CDH2: variants seen among roughly 807,000 people sequenced by gnomAD.
CDH2 encodes the protein cadherin-2.
Under a neutral mutation model 92.0 loss-of-function variants are expected in CDH2, and 17 were observed. That is an observed-to-expected ratio of 0.18 (90% CI 0.13 to 0.28). The LOEUF (loss-of-function observed/expected upper bound fraction) is 0.28. Among genes scored for constraint, CDH2 ranks in the 10% least tolerant of loss-of-function variants. CDH2 has a pLI of 1.00. For synonymous variants in CDH2, 419 were observed against 415.9 expected, an observed-to-expected ratio of 1.01 and a Z score of -0.09; for missense variants, 862 against 1,133.1, an observed-to-expected ratio of 0.76 and a Z score of 3.44.
At chr18:28,016,862 T>G (rs1050370897) in intron 2 of CDH2, among the ~76,000 whole-genome samples, 1 of 152,138 alleles carries the variant, frequency 6.6e-6, no homozygotes, top group Non-Finnish European at 1.5e-5. Flanking sequence ...TCTTTTTCTG[T>G]GTCTATTGAG....
At chr18:28,106,519 C>A (rs1287807378) in intron 2 of CDH2, among the ~76,000 whole-genome samples, 1 of 148,492 alleles carries the variant, frequency 6.7e-6, no homozygotes, top group Non-Finnish European at 1.5e-5. Flanking sequence ...TCTTTATCAT[C>A]AAAGAAGACA....
chr18:27,984,079 C>T (rs2012147888), intron 13 of CDH2, among the ~76,000 whole-genome samples: 1 of 152,130 alleles, frequency 6.6e-6, no homozygotes. Context: ...GTATAGCATG[C>T]AGGTTTCAAA....
intron 2 of CDH2, among the ~76,000 whole-genome samples, chr18:28,017,757 A>T (rs548215442): frequency 2.8e-4 from 43 of 152,206 alleles, no homozygotes; most frequent in Admixed American, 5.2e-4. Context: ...CATAGAAGGG[A>T]CATACCTTAA....
At chr18:28,092,279 GA>G (rs1036440903) in intron 2 of CDH2, among the ~76,000 whole-genome samples, 5 of 152,074 alleles carry the variant, frequency 3.3e-5, no homozygotes, top group African/African-American at 1.2e-4. Context: ...AGAAGGCAGA[GA>G]AATTACTGAC....
intron 2 of CDH2, among the ~76,000 whole-genome samples, chr18:28,054,256 T>C (rs571100519): frequency 2.7e-4 from 41 of 152,180 alleles, no homozygotes; most frequent in Non-Finnish European, 4.9e-4. Context: ...AAGCTGTGCC[T>C]TTTTTATTTT....
chr18:27,936,111 T>C (rs375093896), intron 6 of CDH2, among the ~76,000 whole-genome samples: 4 of 152,332 alleles, frequency 2.6e-5, no homozygotes, highest in Non-Finnish European at 1.5e-5. Context: ...GTTGAAGGGA[T>C]AGACTCAATG....
intron 6 of CDH2, among the ~76,000 whole-genome samples, chr18:28,005,117 A>G (rs543389218): frequency 6.6e-6 from 1 of 152,050 alleles, no homozygotes; most frequent in Non-Finnish European, 1.5e-5. Flanking sequence ...CCCTATACCA[A>G]CTGATTGTCT....
rs2016561333 is a variant in CDH2 at position 28,177,104 on chromosome 18, GCAC to G, written c.-85_-83del. 9.4e-7 allele frequency: 1 copy of G among 1,064,494 alleles called. No homozygotes were observed. The highest frequency in any genetic ancestry group is 1.5e-5 in the South Asian group (1 of 66,846). 65.9% of individuals were successfully genotyped at this position (1,064,494 alleles called of 1,614,324 possible). A position where few individuals can be genotyped will look rare whatever the true frequency, so the allele number is the denominator to read the frequency against. On this transcript the variant is annotated 5_prime_UTR_variant, in exon 1 of 16. Coordinates refer to ENST00000269141, the MANE Select transcript of CDH2 (RefSeq NM_001792.5). Reference sequence around the variant, plus strand: ...GGCGGAGGAGGAGGAGGCAGCGGCAGCACCAACAGCGGCGCGGAGAAACGGCTC... The same window carrying G: ...GGCGGAGGAGGAGGAGGCAGCGGCAGCAACAGCGGCGCGGAGAAACGGCTC...
At chr18:28,151,582 C>T (rs774722916) in intron 1 of CDH2, among the ~76,000 whole-genome samples, 1 of 152,102 alleles carries the variant, frequency 6.6e-6, no homozygotes, top group Non-Finnish European at 1.5e-5. Context: ...CTCAAGTAGC[C>T]TCATCACTCT....
chr18:28,088,875 C>T (rs76097676), intron 2 of CDH2, among the ~76,000 whole-genome samples: 258 of 152,200 alleles, frequency 1.7e-3, no homozygotes, highest in Non-Finnish European at 3.1e-3. Flanking sequence ...ACAAATTCTA[C>T]GCTGGGTGTC....
intron 6 of CDH2, among the ~76,000 whole-genome samples, chr18:28,003,881 G>A (rs928083931): frequency 2.6e-5 from 4 of 152,198 alleles, no homozygotes; most frequent in Non-Finnish European, 5.9e-5. Context: ...AGTAGAGTGA[G>A]AAGTAGTTAC....
At chr18:27,960,925 G>A (rs2011385253) in intron 15 of CDH2, among the ~76,000 whole-genome samples, 1 of 151,980 alleles carries the variant, frequency 6.6e-6, no homozygotes, top group African/African-American at 2.4e-5. Flanking sequence ...AATTCCAAAT[G>A]GAAATTCCTA....
chr18:28,049,391 C>T (rs1209703202), intron 2 of CDH2, among the ~76,000 whole-genome samples: 1 of 152,120 alleles, frequency 6.6e-6, no homozygotes, highest in East Asian at 1.9e-4. Context: ...TGAAACACTA[C>T]CTTCTGCGAG....
chr18:28,006,433 G>A (rs2012919410), intron 5 of CDH2, among the ~76,000 whole-genome samples: 1 of 151,932 alleles, frequency 6.6e-6, no homozygotes, highest in Admixed American at 6.6e-5. Context: ...AAATGTGAAA[G>A]TAGGCCAGGC....
rs573371665 is a variant in CDH2 at position 28,060,093 on chromosome 18, G to T, written c.173-46184C>A. ...CAGGAGTACATAACAACGCATAACA[G>T]ATAGTCTTCCTTTTAGTCACTGATG... On this transcript the variant is annotated intron_variant, in intron 2 of 15. Transcript: ENST00000269141. Among the ~76,000 whole-genome samples the T allele has an allele frequency of 2.0e-5, 3 of 152,074 alleles. No homozygotes were observed. In the South Asian group the frequency reaches 6.2e-4, roughly 32 times the overall value.
intron 14 of CDH2, among the ~76,000 whole-genome samples, chr18:27,969,860 A>G (rs1199144742): frequency 6.6e-6 from 1 of 152,084 alleles, no homozygotes; most frequent in Non-Finnish European, 1.5e-5. Flanking sequence ...TACTAAAAAT[A>G]CAAAAATTAG....
At chr18:27,991,301 T>C (rs894782535) in intron 9 of CDH2, among the ~76,000 whole-genome samples, 2 of 152,218 alleles carry the variant, frequency 1.3e-5, no homozygotes, top group African/African-American at 4.8e-5. Context: ...GTGACGCTCA[T>C]AAGAAAGCTT....
chr18:27,954,772 TC>T (rs2066905207), intron 15 of CDH2: 1 of 152,228 alleles, frequency 6.6e-6, no homozygotes, highest in Non-Finnish European at 1.5e-5. Context: ...TTGTTGATTA[TC>T]TATTAATATT....
At chr18:28,103,153 T>TAA (rs1200016339) in intron 2 of CDH2, among the ~76,000 whole-genome samples, 3 of 121,794 alleles carry the variant, frequency 2.5e-5, no homozygotes, top group African/African-American at 6.5e-5. Context: ...TATATATATA[T>TAA]AAACTCCTTT....
Sources: allele counts gnomAD v4.1 joint callset (sites outside exome capture counted in the v4.1 genomes callset), GRCh38; gene constraint gnomAD v4.1.1; transcripts MANE v1.5; gene names NCBI Gene and HGNC (gene_info 2026-07-23, HGNC 2026-07-21).